COPS8: variants seen among roughly 807,000 people sequenced by gnomAD.
The protein encoded by COPS8 is COP9 signalosome subunit 8.
COPS8 carries 11 observed loss-of-function variants against 31.5 expected under a neutral mutation model. That is an observed-to-expected ratio of 0.35 (90% CI 0.22 to 0.58). The LOEUF is 0.58. Among genes scored for constraint, COPS8 ranks in the 20% least tolerant of loss-of-function variants. COPS8 has a pLI of 0.83. For synonymous variants in COPS8, 81 were observed against 89.3 expected, an observed-to-expected ratio of 0.91 and a Z score of 0.52; for missense variants, 215 against 255.1, an observed-to-expected ratio of 0.84 and a Z score of 1.07.
rs746761173 is a variant in COPS8 at position 237,090,011 on chromosome 2, G to A, written c.331+17G>A. 1.9e-6 allele frequency: 3 copies of A among 1,612,354 alleles called. No homozygotes were observed. The highest frequency in any genetic ancestry group is 2.5e-6 in the Non-Finnish European group (3 of 1,179,184). ...CACTTAGAGGTAGTGTTTCTTTGTG[G>A]TTAAAAATGAAATTAGATGAGACTT... On this transcript the variant is annotated intron_variant, in intron 4 of 7. Transcript: ENST00000354371.
At chr2:237,089,786 G>T in intron 3 of COPS8, 76 bp from the exon 4 acceptor site, 2 of 1,368,420 alleles carry the variant, frequency 1.5e-6, no homozygotes, top group Non-Finnish European at 2.0e-6. Flanking sequence ...TATCATTTCT[G>T]GTATTTTGTT....
chr2:237,096,939 A>ATATGTGTG, intron 7 of COPS8, 70 bp downstream of exon 7: 1 of 1,054,730 alleles, frequency 9.5e-7, no homozygotes, highest in Non-Finnish European at 1.4e-6. Context: ...GTATATATGT[A>ATATGTGTG]TATGTGTGTG....
At chr2:237,092,915 G>A (rs1696731692) in intron 4 of COPS8, among the ~76,000 whole-genome samples, 3 of 152,202 alleles carry the variant, frequency 2.0e-5, no homozygotes, top group Admixed American at 2.0e-4. Flanking sequence ...GAGATGCTAG[G>A]TGTTTGGGGG....
intron 4 of COPS8, among the ~76,000 whole-genome samples, chr2:237,092,618 A>C (rs1484766845): frequency 1.3e-5 from 2 of 152,044 alleles, no homozygotes; most frequent in Non-Finnish European, 2.9e-5. Flanking sequence ...CATTGAATGT[A>C]TGCAGCCTTA....
chr2:237,096,234 C>T (rs1430962592), intron 6 of COPS8, among the ~76,000 whole-genome samples: 1 of 152,140 alleles, frequency 6.6e-6, no homozygotes, highest in Non-Finnish European at 1.5e-5. Context: ...AAATATTCAA[C>T]TGCCCCCCTT....
intron 7 of COPS8, among the ~76,000 whole-genome samples, 166 bp downstream of exon 7, chr2:237,097,035 C>G (rs1696815206): frequency 6.6e-6 from 1 of 152,156 alleles, no homozygotes; most frequent in Non-Finnish European, 1.5e-5. Flanking sequence ...AAGAGTGAAA[C>G]TGGGCTCCCC....
chr2:237,087,718 C>G (rs889664515), intron 2 of COPS8, among the ~76,000 whole-genome samples: 2 of 152,208 alleles, frequency 1.3e-5, no homozygotes, highest in African/African-American at 4.8e-5. Flanking sequence ...TGGCTTGAGT[C>G]CAGGAGTTTT....
At chr2:237,095,264 A>G (rs1696778700) in intron 5 of COPS8, among the ~76,000 whole-genome samples, 1 of 152,108 alleles carries the variant, frequency 6.6e-6, no homozygotes, top group Admixed American at 6.5e-5. Context: ...TGCTGGTACC[A>G]CCCGTCCCTG....
At chr2:237,088,049 C>A (rs1002952748) in intron 2 of COPS8, among the ~76,000 whole-genome samples, 1 of 149,808 alleles carries the variant, frequency 6.7e-6, no homozygotes, top group Admixed American at 6.6e-5. Context: ...TCTTTTATAT[C>A]TTTTTAAAAA....
intron 7 of COPS8, 36 bp from the exon 8 acceptor site, chr2:237,097,627 T>C: frequency 6.8e-7 from 1 of 1,471,762 alleles, no homozygotes; most frequent in Non-Finnish European, 9.5e-7. Context: ...TACTGTGGTA[T>C]GTAACATGAA....
At chr2:237,087,328 T>A in intron 2 of COPS8, 131 bp downstream of exon 2, 1 of 599,706 alleles carries the variant, frequency 1.7e-6, no homozygotes, top group East Asian at 2.8e-5. Flanking sequence ...ATTGTTAACG[T>A]CTATTTCCTA....
rs1225174288 is a variant in COPS8, at chr2:237,099,617, C to T, written c.*1875C>T. On this transcript the variant is annotated 3_prime_UTR_variant, in exon 8 of 8. Coordinates refer to ENST00000354371, the MANE Select transcript of COPS8 (RefSeq NM_006710.5). ...AAACCTCATTATATGCTTTATTTTT[C>T]TTTGTAAACAGTAAATATTTCCCAC... 6.6e-6 allele frequency: 1 copy of T among 151,948 alleles called. No homozygotes were observed. The highest frequency in any genetic ancestry group is 1.5e-5 in the Non-Finnish European group (1 of 67,986). 9.4% of individuals were successfully genotyped at this position (151,948 alleles called of 1,614,324 possible).
At chr2:237,088,739 C>G (rs905179593) in intron 3 of COPS8, 86 bp downstream of exon 3, 7 of 811,506 alleles carry the variant, frequency 8.6e-6, no homozygotes, top group African/African-American at 3.5e-5. Context: ...TGTTTTCTAT[C>G]TGACGTCCTA....
At chr2:237,090,390 T>A (rs184695018) in intron 4 of COPS8, among the ~76,000 whole-genome samples, 3 of 152,296 alleles carry the variant, frequency 2.0e-5, no homozygotes, top group African/African-American at 7.2e-5. Context: ...ATTTTATAAT[T>A]TATCAGTTTA....
intron 3 of COPS8, 62 bp downstream of exon 3, chr2:237,088,715 C>T (rs1230024290): frequency 3.9e-6 from 4 of 1,026,674 alleles, no homozygotes; most frequent in African/African-American, 1.6e-5. Context: ...AAATGGCAAC[C>T]TTTTATAAGC....
rs770439966 is a variant in COPS8 at position 237,093,195 on chromosome 2, G to A, written c.332-895G>A. ...GAGAAGGTGTAAGACTTGTCTGAGAGCCAGTGGACTCGTTTGGCACAAAGG... is the reference window on the plus strand; with the variant it reads ...GAGAAGGTGTAAGACTTGTCTGAGAACCAGTGGACTCGTTTGGCACAAAGG... On this transcript the variant is annotated intron_variant, in intron 4 of 7. Coordinates refer to ENST00000354371, the MANE Select transcript of COPS8 (RefSeq NM_006710.5). Among the ~76,000 whole-genome samples the A allele has an allele frequency of 3.1e-4, 47 of 152,334 alleles. 1 individual carries two copies. Among genetic ancestry groups the A allele is most frequent in the Non-Finnish European group, 4.4e-4 (30 of 68,026 alleles).
At chr2:237,091,170 C>T (rs912290423) in intron 4 of COPS8, among the ~76,000 whole-genome samples, 3 of 152,046 alleles carry the variant, frequency 2.0e-5, no homozygotes, top group South Asian at 2.1e-4. Context: ...TATTCCTTCC[C>T]GGAGCCGCCT....
In COPS8 at chr2:237,094,143, A is replaced by G; in HGVS notation, c.385A>G (p.Ile129Val). 1 of 1,614,102 alleles carries G rather than the reference A, an allele frequency of 6.2e-7. No individual in the cohort carries two copies. The highest frequency in any genetic ancestry group is 1.1e-5 in the South Asian group (1 of 91,074). ...GGTCTCTCAAGCGTATACTTCAATCATCGCCGATGATTTTGCAGCCTTTGT... is the reference window on the plus strand; with the variant it reads ...GGTCTCTCAAGCGTATACTTCAATCGTCGCCGATGATTTTGCAGCCTTTGT... ...ALVSQAYTSIIADDFAAFVGL... is the reference protein window; with the variant it reads ...ALVSQAYTSIVADDFAAFVGL... The change falls in exon 5 of 8, where the codon ATC becomes GTC. Residue 129 changes from isoleucine (I) to valine (V), a missense_variant. By Grantham distance (29) the Ile-to-Val change is conservative (BLOSUM62 3). Coordinates refer to ENST00000354371, the MANE Select transcript of COPS8 (RefSeq NM_006710.5).
Position 237,099,362 on chromosome 2 carries a change from A to C in COPS8, c.*1620A>C, listed in dbSNP as rs1309116529. The stretch of plus-strand genomic sequence containing the variant: ...TAGTTCCCTAAAGAGGAAGGAGAGG[A>C]CAGTGAACTACTACATAGAGAAAAA... On this transcript the variant is annotated 3_prime_UTR_variant, in exon 8 of 8. Coordinates refer to ENST00000354371, the MANE Select transcript of COPS8 (RefSeq NM_006710.5). 6.6e-6 allele frequency: 1 copy of C among 152,174 alleles called. No homozygotes were observed. The highest frequency in any genetic ancestry group is 1.5e-5 in the Non-Finnish European group (1 of 68,002). The allele number at this position is 152,174 out of a possible 1,614,324, so 9.4% of individuals were successfully genotyped here.
Sources: gnomAD v4.1 joint callset for allele counts (sites outside exome capture counted in the v4.1 genomes callset) on GRCh38, gnomAD v4.1.1 for gene constraint, MANE v1.5 for transcripts, NCBI Gene and HGNC (gene_info 2026-07-23, HGNC 2026-07-21) for gene names.